Variants in RSRC1 observed in about 807,000 individuals in gnomAD.
RSRC1 encodes the protein serine/Arginine-related protein 53.
A neutral mutation model predicts 49.1 loss-of-function variants in RSRC1; 39 were observed. The ratio of observed to expected loss-of-function variants is 0.79; its 90% CI spans 0.61 to 1.04. The LOEUF is 1.04. Ranked by LOEUF, RSRC1 falls within the 50% of genes least tolerant of loss-of-function variation. The pLI is 0.00. For synonymous variants in RSRC1, 143 were observed against 130.8 expected, an observed-to-expected ratio of 1.09 and a Z score of -0.63; for missense variants, 388 against 402.4, an observed-to-expected ratio of 0.96 and a Z score of 0.31.
intron 6 of RSRC1, among the ~76,000 whole-genome samples, chr3:158,406,655 A>G (rs1323200339): frequency 2.6e-5 from 4 of 152,120 alleles, no homozygotes; most frequent in Non-Finnish European, 4.4e-5. Context: ...ATCAGAAACC[A>G]TGCTCAGAGC....
chr3:158,365,476 A>T (rs1157644993), intron 6 of RSRC1, among the ~76,000 whole-genome samples: 1 of 152,006 alleles, frequency 6.6e-6, no homozygotes, highest in African/African-American at 2.4e-5. Flanking sequence ...AAGGACATGA[A>T]CTCATCCTTT....
intron 7 of RSRC1, among the ~76,000 whole-genome samples, chr3:158,498,834 C>T (rs1028397912): frequency 6.6e-6 from 1 of 152,150 alleles, no homozygotes; most frequent in Non-Finnish European, 1.5e-5. Flanking sequence ...GGTGTCCTTT[C>T]CCTACTTTAT....
rs185923850 is a variant in RSRC1, at chr3:158,514,322, C to G, written c.653-22770C>G. Among the ~76,000 whole-genome samples the G allele has an allele frequency of 4.3e-4, 66 of 152,186 alleles. No homozygotes were observed. In the East Asian group the frequency reaches 0.01, roughly 23 times the overall value. On this transcript the variant is annotated intron_variant, in intron 7 of 9. Coordinates refer to ENST00000611884, the MANE Select transcript of RSRC1 (RefSeq NM_001271838.2). ...AAAGATTGTGGTATGTTGTGTCTTT[C>G]TTCTCGTTGATTTCAAAGAACATCT...
At chr3:158,309,475 A>G (rs942114207) in intron 5 of RSRC1, among the ~76,000 whole-genome samples, 5 of 151,832 alleles carry the variant, frequency 3.3e-5, no homozygotes, top group African/African-American at 1.2e-4. Flanking sequence ...AACGTTTAAT[A>G]AATGTTTTTA....
At chr3:158,262,808 G>T (rs1724975439) in intron 4 of RSRC1, among the ~76,000 whole-genome samples, 1 of 151,650 alleles carries the variant, frequency 6.6e-6, no homozygotes, top group Non-Finnish European at 1.5e-5. Flanking sequence ...ATTTCTTTTT[G>T]AAATTATTTA....
chr3:158,161,482 G>A (rs1267964426), intron 3 of RSRC1, among the ~76,000 whole-genome samples: 1 of 151,966 alleles, frequency 6.6e-6, no homozygotes, highest in Non-Finnish European at 1.5e-5. Flanking sequence ...AATGTGTGGG[G>A]CAGGTGCTGT....
At chr3:158,319,245 C>T (rs1415763964) in intron 5 of RSRC1, among the ~76,000 whole-genome samples, 1 of 152,058 alleles carries the variant, frequency 6.6e-6, no homozygotes, top group African/African-American at 2.4e-5. Flanking sequence ...TGGTGATAAT[C>T]GTGAGTGAGT....
At chr3:158,423,395 G>A (rs1308090234) in intron 6 of RSRC1, among the ~76,000 whole-genome samples, 11 of 151,374 alleles carry the variant, frequency 7.3e-5, no homozygotes, top group Non-Finnish European at 1.3e-4. Flanking sequence ...GTAGATATGC[G>A]GTGTTATTTC....
chr3:158,186,770 T>A (rs1719953270), intron 3 of RSRC1, among the ~76,000 whole-genome samples: 1 of 151,980 alleles, frequency 6.6e-6, no homozygotes, highest in South Asian at 2.1e-4. Context: ...ACTGACTTTC[T>A]GCATTTCTCT....
At chr3:158,114,017 A>G (rs6797626) in intron 1 of RSRC1, among the ~76,000 whole-genome samples, 102,635 of 152,036 alleles carry the variant, frequency 0.68, 34,889 homozygotes, top group East Asian at 0.82. Flanking sequence ...CCCATTTGTA[A>G]TTTTTGTTTT....
intron 5 of RSRC1, among the ~76,000 whole-genome samples, chr3:158,300,859 C>T (rs1727504232): frequency 6.6e-6 from 1 of 152,102 alleles, no homozygotes; most frequent in African/African-American, 2.4e-5. Context: ...GCTTGTTATA[C>T]TTGCTACCAG....
chr3:158,298,178 A>G (rs1471231113), intron 5 of RSRC1, 103 bp downstream of exon 5: 4 of 864,268 alleles, frequency 4.6e-6, no homozygotes, highest in Non-Finnish European at 7.6e-6. Flanking sequence ...GAGAAAGTCA[A>G]CCATTTCCCA....
intron 4 of RSRC1, among the ~76,000 whole-genome samples, chr3:158,267,480 A>G (rs755267667): frequency 2.0e-5 from 3 of 151,782 alleles, no homozygotes; most frequent in South Asian, 2.1e-4. Flanking sequence ...GACCTTACAC[A>G]TATGTTGGAC....
At position 158,275,840 on chromosome 3, in the gene RSRC1, C is replaced by G. The variant is rs73166370; in HGVS notation, c.495-22199C>G. 10 of 536,704 alleles carry G rather than the reference C, an allele frequency of 1.9e-5. No homozygotes were observed. In the South Asian group the frequency reaches 1.9e-4, roughly 10 times the overall value. 33.2% of individuals were successfully genotyped at this position (536,704 alleles called of 1,614,324 possible). On this transcript the variant is annotated intron_variant, in intron 4 of 9. Transcript: ENST00000611884. ...ATAACAGTGGAGCTGGAGAGTATTG[C>G]GCCTTCTCCAAGCTGCCTGGCTAGA...
At chr3:158,490,358 A>G (rs1430582295) in intron 7 of RSRC1, among the ~76,000 whole-genome samples, 1 of 152,248 alleles carries the variant, frequency 6.6e-6, no homozygotes, top group African/African-American at 2.4e-5. Flanking sequence ...TGCTGGGATT[A>G]CAGGCGTGAG....
chr3:158,341,491 A>AT (rs1264648598), intron 5 of RSRC1, among the ~76,000 whole-genome samples: 1 of 152,190 alleles, frequency 6.6e-6, no homozygotes, highest in East Asian at 1.9e-4. Flanking sequence ...TCCAGGTGTT[A>AT]TTAAGCCTGC....
chr3:158,228,151 GATA>G (rs1260939757), intron 4 of RSRC1, among the ~76,000 whole-genome samples: 1 of 151,946 alleles, frequency 6.6e-6, no homozygotes, highest in African/African-American at 2.4e-5. Context: ...TATTTTAGTG[GATA>G]AGAAAATTTA....
At chr3:158,316,276 T>G (rs1226681794) in intron 5 of RSRC1, among the ~76,000 whole-genome samples, 2 of 152,094 alleles carry the variant, frequency 1.3e-5, no homozygotes, top group Admixed American at 1.3e-4. Flanking sequence ...AGTTGGCGTA[T>G]GCAAAGACCA....
chr3:158,146,722 AC>A (rs1486737359), intron 3 of RSRC1, among the ~76,000 whole-genome samples: 1 of 151,998 alleles, frequency 6.6e-6, no homozygotes, highest in African/African-American at 2.4e-5. Flanking sequence ...TCCTCCTTGT[AC>A]CTCTGGTAGA....
Sources: gnomAD v4.1 joint callset for allele counts (sites outside exome capture counted in the v4.1 genomes callset) on GRCh38, gnomAD v4.1.1 for gene constraint, MANE v1.5 for transcripts, NCBI Gene and HGNC (gene_info 2026-07-23, HGNC 2026-07-21) for gene names.